GLCE: variants seen among roughly 807,000 people sequenced by gnomAD.
The protein encoded by GLCE is D-glucuronyl C5-epimerase.
GLCE carries 19 observed loss-of-function variants against 47.9 expected under a neutral mutation model. That is an observed-to-expected ratio of 0.40 (90% confidence interval 0.28 to 0.58). The LOEUF is 0.58. Among genes scored for constraint, GLCE ranks in the 20% least tolerant of loss-of-function variants. GLCE has a pLI of 0.48. For missense variants in GLCE, 556 were observed against 743.3 expected, an observed-to-expected ratio of 0.75 and a Z score of 2.93; for synonymous variants, 245 against 263.4, an observed-to-expected ratio of 0.93 and a Z score of 0.68.
chr15:69,238,083 AC>A (rs749662903), intron 2 of GLCE, among the ~76,000 whole-genome samples: 3 of 152,252 alleles, frequency 2.0e-5, no homozygotes, highest in Non-Finnish European at 2.9e-5. Context: ...TGTTAAAAAA[AC>A]ATTCCTGTCT....
At chr15:69,204,790 C>T (rs762956519) in intron 1 of GLCE, among the ~76,000 whole-genome samples, 7 of 152,054 alleles carry the variant, frequency 4.6e-5, no homozygotes, top group Non-Finnish European at 8.8e-5. Context: ...ATGAGCAGAT[C>T]AGACTCCTTT....
chr15:69,221,575 A>C (rs2140389896), intron 2 of GLCE, among the ~76,000 whole-genome samples: 1 of 151,854 alleles, frequency 6.6e-6, no homozygotes, highest in South Asian at 2.1e-4. Context: ...TAATTAAAAA[A>C]AATTAGGCTG....
At position 69,180,772 on chromosome 15, in the gene GLCE, C is replaced by T. The variant is rs148131693; in HGVS notation, c.-105+20015C>T. 1.7e-3 allele frequency among the ~76,000 whole-genome samples: 257 copies of T among 152,248 alleles called. 1 individual carries two copies. The highest frequency in any genetic ancestry group is 0.014 in the Admixed American group (219 of 15,282). The stretch of plus-strand genomic sequence containing the variant: ...CCAGGTCAAGCAAGGTCTTATAGAC[C>T]ATTTTAAGGACTTCAGCTTTTAGAC... On this transcript the variant is annotated intron_variant, in intron 1 of 4. Coordinates refer to ENST00000261858, the MANE Select transcript of GLCE (RefSeq NM_015554.3).
chr15:69,264,175 C>T (rs1165569993), intron 4 of GLCE, among the ~76,000 whole-genome samples: 1 of 151,600 alleles, frequency 6.6e-6, no homozygotes, highest in African/African-American at 2.4e-5. Context: ...TCCCACCCCC[C>T]CAGCCCGACA....
intron 1 of GLCE, among the ~76,000 whole-genome samples, chr15:69,178,811 C>T (rs960345606): frequency 1.3e-5 from 2 of 151,974 alleles, no homozygotes; most frequent in African/African-American, 4.8e-5. Context: ...AATAATTTAT[C>T]TTTGCTCTTT....
intron 1 of GLCE, among the ~76,000 whole-genome samples, chr15:69,165,440 T>C (rs1007977945): frequency 1.3e-5 from 2 of 152,124 alleles, no homozygotes; most frequent in African/African-American, 4.8e-5. Context: ...TTAGGATGTC[T>C]TTCCTTCTCT....
At chr15:69,253,315 G>A (rs887813099) in intron 2 of GLCE, among the ~76,000 whole-genome samples, 6 of 152,228 alleles carry the variant, frequency 3.9e-5, no homozygotes, top group African/African-American at 7.2e-5. Context: ...AGGTCTGCTG[G>A]CTCCCCACCC....
intron 1 of GLCE, among the ~76,000 whole-genome samples, chr15:69,175,703 T>A (rs1434704101): frequency 1.3e-5 from 2 of 152,242 alleles, no homozygotes. Flanking sequence ...TATTTTGTTT[T>A]GATTGGCTTT....
intron 2 of GLCE, among the ~76,000 whole-genome samples, chr15:69,254,551 G>A (rs1457552287): frequency 1.3e-5 from 2 of 152,152 alleles, no homozygotes; most frequent in African/African-American, 2.4e-5. Context: ...TTCTGACAGG[G>A]TAGTAACAAT....
intron 2 of GLCE, among the ~76,000 whole-genome samples, chr15:69,253,901 AT>A (rs1289330469): frequency 1.3e-5 from 2 of 152,228 alleles, no homozygotes; most frequent in African/African-American, 2.4e-5. Flanking sequence ...AGAAAATAAT[AT>A]GCAACCATGG....
intron 2 of GLCE, among the ~76,000 whole-genome samples, chr15:69,250,406 A>G (rs190773607): frequency 3.3e-4 from 51 of 152,252 alleles, no homozygotes; most frequent in African/African-American, 1.2e-3. Context: ...TCTGAAAAAA[A>G]CCCGTGCCCA....
rs1434789943 is a variant in GLCE at position 69,269,186 on chromosome 15, A to G, written c.1796A>G (p.Lys599Arg). Reference protein sequence around the residue: ...LSTIDESPVFKEFVKRWKSYL... With the variant: ...LSTIDESPVFREFVKRWKSYL... ...ACCATTGATGAGTCCCCAGTCTTCA[A>G]AGAATTTGTCAAGAGGTGGAAAAGC... The change falls in exon 5 of 5, where the codon AAA becomes AGA. Residue 599 changes from lysine (K) to arginine (R), a missense_variant. By Grantham distance (26) the Lys-to-Arg change is conservative (BLOSUM62 2). Around this residue, in one of 3 missense-constraint regions of GLCE, gnomAD observed 245 missense variants for 368.1 expected, o/e 0.67. Coordinates refer to ENST00000261858, the MANE Select transcript of GLCE (RefSeq NM_015554.3). The G allele has an allele frequency of 3.7e-6, 6 of 1,614,012 alleles. No homozygotes were observed. The highest frequency in any genetic ancestry group is 5.1e-6 in the Non-Finnish European group (6 of 1,180,000).
At chr15:69,259,071 A>G (rs1595788514) in intron 3 of GLCE, among the ~76,000 whole-genome samples, 2 of 152,172 alleles carry the variant, frequency 1.3e-5, no homozygotes, top group African/African-American at 4.8e-5. Flanking sequence ...TCTTGCCATC[A>G]TGGACCATTG....
In GLCE at chr15:69,202,209, G is replaced by A. The variant is rs922566627; in HGVS notation, c.-104-8107G>A. On this transcript the variant is annotated intron_variant, in intron 1 of 4. Transcript: ENST00000261858. ...TGATGGGATTATAGGCATGAACCACGGTTCCCAGCCTTGCTTTCACCTCCT... is the reference window on the plus strand; with the variant it reads ...TGATGGGATTATAGGCATGAACCACAGTTCCCAGCCTTGCTTTCACCTCCT... Among the ~76,000 whole-genome samples the A allele has an allele frequency of 2.6e-5, 4 of 151,760 alleles. No individual in the cohort carries two copies. The East Asian group carries it at 5.8e-4, about 22-fold the overall frequency.
intron 1 of GLCE, among the ~76,000 whole-genome samples, chr15:69,168,907 T>A (rs192437871): frequency 3.2e-4 from 49 of 152,276 alleles, no homozygotes; most frequent in African/African-American, 1.2e-3. Flanking sequence ...AAATCATAAG[T>A]ATACAGCTCA....
intron 1 of GLCE, among the ~76,000 whole-genome samples, chr15:69,202,624 A>G (rs2052092062): frequency 6.6e-6 from 1 of 152,118 alleles, no homozygotes; most frequent in South Asian, 2.1e-4. Flanking sequence ...AGCAATAGGA[A>G]ACTTCAGTAA....
chr15:69,246,338 T>C (rs1398638456), intron 2 of GLCE, among the ~76,000 whole-genome samples: 1 of 152,128 alleles, frequency 6.6e-6, no homozygotes. Flanking sequence ...TCCAGCAGGT[T>C]TTCAATTTAT....
At chr15:69,268,028 G>A (rs1020456536) in intron 4 of GLCE, among the ~76,000 whole-genome samples, 192 bp from the exon 5 acceptor site, 9 of 152,094 alleles carry the variant, frequency 5.9e-5, no homozygotes, top group Admixed American at 3.3e-4. Flanking sequence ...ACAAGCCATC[G>A]TGAACTCACC....
At chr15:69,165,315 T>G (rs990658000) in intron 1 of GLCE, among the ~76,000 whole-genome samples, 1 of 152,156 alleles carries the variant, frequency 6.6e-6, no homozygotes, top group Non-Finnish European at 1.5e-5. Flanking sequence ...CTGACTAATC[T>G]TATGCATTTC....
Sources: gnomAD v4.1 joint callset for allele counts (sites outside exome capture counted in the v4.1 genomes callset) on GRCh38, gnomAD v4.1.1 for gene constraint, gnomAD v4.1.1 regional missense constraint, MANE v1.5 for transcripts, NCBI Gene and HGNC (gene_info 2026-07-23, HGNC 2026-07-21) for gene names.